TENM3: variants seen among roughly 807,000 people sequenced by gnomAD.
The protein encoded by TENM3 is teneurin transmembrane protein 3, also known as teneurin-3.
TENM3 carries 63 observed loss-of-function variants against 255.1 expected under a neutral mutation model. That is an observed-to-expected ratio of 0.25 (90% CI 0.20 to 0.30). The LOEUF (loss-of-function observed/expected upper bound fraction) is 0.30. TENM3 is among the 10% of genes least tolerant of loss of function. The pLI, the probability that TENM3 is intolerant of heterozygous loss-of-function variation, is 1.00. For missense variants in TENM3, 2,929 were observed against 3,461.1 expected, an observed-to-expected ratio of 0.85 and a Z score of 3.86; for synonymous variants, 1,306 against 1,322.3, an observed-to-expected ratio of 0.99 and a Z score of 0.27.
chr4:182,090,147 A>G, the TENM3 span, among the ~76,000 whole-genome samples: 22 of 152,220 alleles, frequency 1.4e-4, no homozygotes, highest in African/African-American at 4.8e-4. Context: ...CAGACTTCAA[A>G]TTGTGTAGAT....
the TENM3 span, among the ~76,000 whole-genome samples, chr4:181,821,034 A>G: frequency 2.0e-5 from 3 of 152,150 alleles, no homozygotes; most frequent in Non-Finnish European, 4.4e-5. Context: ...CTGTTACTCA[A>G]GTGGAATATT....
the TENM3 span, among the ~76,000 whole-genome samples, chr4:181,654,078 T>C: frequency 0.1 from 15,674 of 151,942 alleles, 892 homozygotes; most frequent in East Asian, 0.18. Context: ...CCACCCTCTT[T>C]CAATCTCTTT....
At chr4:181,596,550 A>G in the TENM3 span, among the ~76,000 whole-genome samples, 1 of 152,156 alleles carries the variant, frequency 6.6e-6, no homozygotes, top group Non-Finnish European at 1.5e-5. Context: ...AAACCCAACT[A>G]TTAAGTTTTT....
At chr4:181,613,137 T>G in the TENM3 span, among the ~76,000 whole-genome samples, 1 of 152,208 alleles carries the variant, frequency 6.6e-6, no homozygotes, top group African/African-American at 2.4e-5. Flanking sequence ...AGGACCTTGT[T>G]TCCCTAGGAC....
intron 5 of TENM3, among the ~76,000 whole-genome samples, chr4:182,637,975 G>A (rs6846382): frequency 0.058 from 8,827 of 151,986 alleles, 823 homozygotes; most frequent in African/African-American, 0.19. Context: ...TCAACTGTCA[G>A]GGTATTAAAA....
intron 3 of TENM3, among the ~76,000 whole-genome samples, chr4:182,422,504 C>T (rs1470500435): frequency 2.6e-5 from 4 of 152,262 alleles, no homozygotes; most frequent in South Asian, 4.2e-4. Flanking sequence ...GAATGCCTCA[C>T]GTGCAGGCTG....
At chr4:181,845,551 A>G in the TENM3 span, among the ~76,000 whole-genome samples, 811 of 152,320 alleles carry the variant, frequency 5.3e-3, 6 homozygotes, top group African/African-American at 0.018. Context: ...TACAGAATTA[A>G]GCGTTTGTGC....
At chr4:182,487,053 G>A (rs1734816637) in intron 3 of TENM3, among the ~76,000 whole-genome samples, 1 of 152,106 alleles carries the variant, frequency 6.6e-6, no homozygotes, top group Non-Finnish European at 1.5e-5. Flanking sequence ...TGTTCTGAAT[G>A]TCAGCAGTGT....
chr4:181,987,568 T>C, the TENM3 span, among the ~76,000 whole-genome samples: 1 of 152,104 alleles, frequency 6.6e-6, no homozygotes, highest in Admixed American at 6.6e-5. Flanking sequence ...ACCCACTCTC[T>C]CAATATGCGT....
At chr4:181,538,256 G>A in the TENM3 span, among the ~76,000 whole-genome samples, 6 of 152,064 alleles carry the variant, frequency 3.9e-5, no homozygotes, top group East Asian at 1.2e-3. Context: ...CAATACGATC[G>A]GTACTTGGCT....
At chr4:181,836,569 C>T in the TENM3 span, among the ~76,000 whole-genome samples, 1 of 152,098 alleles carries the variant, frequency 6.6e-6, no homozygotes, top group Non-Finnish European at 1.5e-5. Context: ...TCCAATACCA[C>T]CTTGACATTT....
the TENM3 span, among the ~76,000 whole-genome samples, chr4:181,938,971 A>T: frequency 6.6e-6 from 1 of 152,194 alleles, no homozygotes; most frequent in Non-Finnish European, 1.5e-5. Flanking sequence ...GTACGTTAGC[A>T]CTAAAGAACA....
At chr4:181,565,199 A>G in the TENM3 span, among the ~76,000 whole-genome samples, 22,042 of 152,156 alleles carry the variant, frequency 0.14, 1,675 homozygotes, top group South Asian at 0.21. Flanking sequence ...TTCTCCCTCA[A>G]ACTGTCCCAT....
At chr4:182,126,733 G>A in the TENM3 span, among the ~76,000 whole-genome samples, 1 of 152,008 alleles carries the variant, frequency 6.6e-6, no homozygotes, top group African/African-American at 2.4e-5. Context: ...CCCTACCCAC[G>A]AAAAGAGTTG....
the TENM3 span, among the ~76,000 whole-genome samples, chr4:181,917,127 T>G: frequency 6.6e-6 from 1 of 152,194 alleles, no homozygotes; most frequent in Non-Finnish European, 1.5e-5. Flanking sequence ...CCTGGCGCTC[T>G]TATGGGTGCT....
At chr4:181,716,572 T>C in the TENM3 span, among the ~76,000 whole-genome samples, 1 of 152,196 alleles carries the variant, frequency 6.6e-6, no homozygotes, top group Non-Finnish European at 1.5e-5. Context: ...ATCTACTAGC[T>C]ATGTACCTTG....
chr4:181,777,872 T>G, the TENM3 span, among the ~76,000 whole-genome samples: 5 of 152,122 alleles, frequency 3.3e-5, no homozygotes, highest in Non-Finnish European at 7.4e-5. Context: ...CCTCAAAGAT[T>G]AGTTGTAGCT....
chr4:182,719,836 G>A (rs1334317898), intron 13 of TENM3, among the ~76,000 whole-genome samples: 1 of 152,138 alleles, frequency 6.6e-6, no homozygotes, highest in East Asian at 1.9e-4. Flanking sequence ...TGAGGCAGTT[G>A]GATTACTTGA....
chr4:182,239,307 A>T (rs1454248121), upstream of TENM3, among the ~76,000 whole-genome samples: 1 of 151,904 alleles, frequency 6.6e-6, no homozygotes, highest in Non-Finnish European at 1.5e-5. Flanking sequence ...TGAATTATTG[A>T]CCTCAAATGA....
Sources: gnomAD v4.1 joint callset for allele counts (sites outside exome capture counted in the v4.1 genomes callset) on GRCh38, gnomAD v4.1.1 for gene constraint, MANE v1.5 for transcripts, NCBI Gene and HGNC (gene_info 2026-07-23, HGNC 2026-07-21) for gene names.